Variants in PXN observed in about 807,000 individuals in gnomAD.
PXN encodes paxillin.
PXN carries 61 observed loss-of-function variants against 103.6 expected under a neutral mutation model. The ratio of observed to expected loss-of-function variants is 0.59; its 90% CI spans 0.48 to 0.73. The LOEUF (loss-of-function observed/expected upper bound fraction) is 0.73. PXN is among the 30% of genes least tolerant of loss of function. The probability of loss-of-function intolerance (pLI) is 0.00; values close to 1 mark genes in which losing one functional copy is unlikely to be tolerated. For missense variants in PXN, 1,274 were observed against 1,460.3 expected, an observed-to-expected ratio of 0.87 and a Z score of 2.08; for synonymous variants, 562 against 607.8, an observed-to-expected ratio of 0.92 and a Z score of 1.11.
chr12:120,262,621 T>C (rs1894044418), intron 1 of PXN, among the ~76,000 whole-genome samples: 1 of 152,050 alleles, frequency 6.6e-6, no homozygotes, highest in African/African-American at 2.4e-5. Flanking sequence ...ACAGTGCCTG[T>C]CTCCCATGAA....
intron 3 of PXN, 45 bp from the exon 4 acceptor site, chr12:120,223,044 C>A: frequency 6.2e-7 from 1 of 1,613,444 alleles, no homozygotes; most frequent in Non-Finnish European, 8.5e-7. Flanking sequence ...TGCTTTCTGG[C>A]CTTGTACTGG....
rs1446461947 is a variant in PXN, at chr12:120,222,707, G to A, written c.537C>T (p.Pro179=). ...SSPPLPGALS[P]LYGVPETNSP... ...TGTTAGTCTCTGGGACACCATAGAG[G>A]GGGCTCAGGGCCCCAGGAAGCGGGG... The change falls in exon 5 of 15, where the codon CCC becomes CCT. Residue 179 remains proline, a synonymous_variant. Transcript: ENST00000637617. The surrounding 1 kb of genome is among the most constrained non-coding windows in gnomAD (Gnocchi z 4.7). 6.2e-7 allele frequency: 1 copy of A among 1,609,864 alleles called. No individual in the cohort carries two copies. The highest frequency in any genetic ancestry group is 8.5e-7 in the Non-Finnish European group (1 of 1,178,266).
Position 120,219,474 on chromosome 12 carries a change from C to T in PXN, c.1449G>A (p.Glu483=). 1 of 1,598,300 alleles carries T rather than the reference C, an allele frequency of 6.3e-7. No individual in the cohort carries two copies. The highest frequency in any genetic ancestry group is 1.1e-5 in the South Asian group (1 of 91,070). Residue 483 remains glutamate, a synonymous_variant, in exon 7 of 15, where the codon GAG becomes GAA. Coordinates refer to ENST00000637617, the MANE Select transcript of PXN (RefSeq NM_001385981.1). The surrounding 1 kb of genome is among the most constrained non-coding windows in gnomAD (Gnocchi z 6.5). The part of the protein sequence containing the change: ...AIFPDTWTLT[E]EHGLQQERPR... ...GCCTCTCCTGCTGTAGGCCATGTTC[C>T]TCCGTGAGAGTCCAGGTATCTGGGA...
intron 1 of PXN, among the ~76,000 whole-genome samples, chr12:120,242,754 G>A (rs997266102): frequency 2.0e-5 from 3 of 152,018 alleles, no homozygotes; most frequent in Admixed American, 6.6e-5. Flanking sequence ...GGTGGTACAC[G>A]CCTGTAATCC....
chr12:120,236,943 T>C (rs1275669838), intron 1 of PXN, among the ~76,000 whole-genome samples: 1 of 151,978 alleles, frequency 6.6e-6, no homozygotes, highest in Non-Finnish European at 1.5e-5. Context: ...TCATGAGGGC[T>C]ACAGTGCATG....
chr12:120,224,698 C>T lies in PXN; in HGVS notation c.14-321G>A, dbSNP rs1469264261. On this transcript the variant is annotated intron_variant, in intron 1 of 14. Coordinates refer to ENST00000637617, the MANE Select transcript of PXN (RefSeq NM_001385981.1). This position sits in a 1 kb window ranked among gnomAD's most constrained non-coding sequence, Gnocchi z 5.0. ...CCCTCCTGACAGGGCCGCGCAGCCG[C>T]GAGTGAAGTGCCTGTCTGGAACTCT... The T allele has an allele frequency of 1.9e-5, 11 of 593,290 alleles. No homozygotes were observed. The highest frequency in any genetic ancestry group is 6.1e-5 in the South Asian group (4 of 65,844). The allele number at this position is 593,290 out of a possible 1,614,324, so 36.8% of individuals were successfully genotyped here. A position where few individuals can be genotyped will look rare whatever the true frequency, so the allele number is the denominator to read the frequency against.
chr12:120,264,258 G>C (rs1894324945), intron 1 of PXN: 1 of 152,262 alleles, frequency 6.6e-6, no homozygotes. Flanking sequence ...TTAACTTAGT[G>C]CCCGGCGCTG....
At position 120,219,469 on chromosome 12, in the gene PXN, T is replaced by C; in HGVS notation, c.1454A>G (p.His485Arg). Residue 485 changes from histidine to arginine, a missense_variant, in exon 7 of 15, where the codon CAT (histidine) becomes CGT (arginine). By Grantham distance (29) the His-to-Arg change is conservative (BLOSUM62 0). This residue lies in a region of PXN where 1,178 missense variants were observed against 1,309.0 expected (regional missense o/e 0.90). Coordinates refer to ENST00000637617, the MANE Select transcript of PXN (RefSeq NM_001385981.1). The surrounding 1 kb of genome is among the most constrained non-coding windows in gnomAD (Gnocchi z 6.5). ...CCTTGGCCTCTCCTGCTGTAGGCCATGTTCCTCCGTGAGAGTCCAGGTATC... is the reference window on the plus strand; with the variant it reads ...CCTTGGCCTCTCCTGCTGTAGGCCACGTTCCTCCGTGAGAGTCCAGGTATC... ...FPDTWTLTEEHGLQQERPRPE... is the reference protein window; with the variant it reads ...FPDTWTLTEERGLQQERPRPE... 6.3e-7 allele frequency: 1 copy of C among 1,598,298 alleles called. No homozygotes were observed. Among genetic ancestry groups the C allele is most frequent in the East Asian group, 2.2e-5 (1 of 44,874 alleles).
Position 120,214,883 on chromosome 12 carries a change from T to G in PXN, c.2690A>C (p.Lys897Thr). Residue 897 changes from lysine (K) to threonine (T), a missense_variant, in exon 12 of 15, where the codon AAG becomes ACG. Physicochemically the swap from Lys to Thr is moderately conservative, Grantham distance 78. Around this residue, in one of 2 missense-constraint regions of PXN, gnomAD observed 1,178 missense variants for 1,309.0 expected, o/e 0.90. Transcript: ENST00000637617. This position sits in a 1 kb window ranked among gnomAD's most constrained non-coding sequence, Gnocchi z 5.0. ...FERDGQPYCE[K>T]DYHNLFSPRC... ...CGGGGAGAAGAGGTTGTGGTAGTCC[T>G]TTTCACAGTAGGGCTGTCCATCCCG... 1 of 1,613,956 alleles carries G rather than the reference T, an allele frequency of 6.2e-7. No homozygotes were observed. Among genetic ancestry groups the G allele is most frequent in the Non-Finnish European group, 8.5e-7 (1 of 1,179,860 alleles).
chr12:120,249,801 C>T, intron 1 of PXN: 3 of 951,208 alleles, frequency 3.2e-6, no homozygotes, highest in Non-Finnish European at 3.8e-6. Context: ...TTGGAAAGTT[C>T]AGGACACAGC....
chr12:120,230,321 T>C (rs935836230), intron 1 of PXN, among the ~76,000 whole-genome samples: 1 of 152,206 alleles, frequency 6.6e-6, no homozygotes. Flanking sequence ...GTCCCTGTCC[T>C]AGGGGGTCTG....
In PXN at chr12:120,263,069, G is replaced by A. The variant is rs185296583; in HGVS notation, c.13+2548C>T. The stretch of plus-strand genomic sequence containing the variant: ...TGATGCACCCTCTGGCCTTGCTACC[G>A]GACACACCATAAACTCTCCCCTGTG... On this transcript the variant is annotated intron_variant, in intron 1 of 14. Coordinates refer to ENST00000637617, the MANE Select transcript of PXN (RefSeq NM_001385981.1). Among the ~76,000 whole-genome samples, 276 of 152,192 alleles carry A rather than the reference G, an allele frequency of 1.8e-3. 1 individual carries two copies. The highest frequency in any genetic ancestry group is 6.0e-3 in the African/African-American group (248 of 41,516).
At chr12:120,251,192 G>A (rs1450800050) in intron 1 of PXN, among the ~76,000 whole-genome samples, 5 of 145,134 alleles carry the variant, frequency 3.4e-5, no homozygotes, top group African/African-American at 5.2e-5. Context: ...GCAACGGAAC[G>A]AGACTCTGTC....
rs1880741018 is a variant in PXN at position 120,212,832 on chromosome 12, CG to C, written c.2980-253del. 5.0e-6 allele frequency: 2 copies of C among 396,146 alleles called. No homozygotes were observed. The highest frequency in any genetic ancestry group is 8.7e-5 in the South Asian group (2 of 23,030). The allele number at this position is 396,146 out of a possible 1,614,324, so 24.5% of individuals were successfully genotyped here. A position where few individuals can be genotyped will look rare whatever the true frequency, so the allele number is the denominator to read the frequency against. Reference sequence around the variant, plus strand: ...GTGGCCTCCTGCAATCCTCCCACCTCGGCCTCCCACAGGGCTGGGATTATTT... The same window carrying C: ...GTGGCCTCCTGCAATCCTCCCACCTCGCCTCCCACAGGGCTGGGATTATTT... On this transcript the variant is annotated intron_variant, in intron 14 of 14. Transcript: ENST00000637617. This position sits in a 1 kb window ranked among gnomAD's most constrained non-coding sequence, Gnocchi z 7.2.
rs1471451472 is a variant in PXN, at chr12:120,222,613, C to T, written c.631G>A (p.Glu211Lys). The change falls in exon 5 of 15, where the codon GAG (glutamate) becomes AAG (lysine). Residue 211 changes from glutamate (E) to lysine (K), a missense_variant. Physicochemically the swap from Glu to Lys is moderately conservative, Grantham distance 56. This residue lies in a region of PXN where 1,178 missense variants were observed against 1,309.0 expected (regional missense o/e 0.90). Coordinates refer to ENST00000637617, the MANE Select transcript of PXN (RefSeq NM_001385981.1). The surrounding 1 kb of genome is among the most constrained non-coding windows in gnomAD (Gnocchi z 4.7). The stretch of plus-strand genomic sequence containing the variant: ...CTCTCCACACTGGGCCGCACGTCCT[C>T]CAGGCCCCGGCCCCCATTCCGCTTA... ...KPKRNGGRGL[E>K]DVRPSVESLL... The T allele has an allele frequency of 5.6e-6, 9 of 1,609,656 alleles. No homozygotes were observed. The highest frequency in any genetic ancestry group is 7.6e-6 in the Non-Finnish European group (9 of 1,178,298).
Position 120,221,734 on chromosome 12 carries a change from G to C in PXN, c.720C>G (p.Gly240=). 1 of 1,573,282 alleles carries C rather than the reference G, an allele frequency of 6.4e-7. No individual in the cohort carries two copies. Among genetic ancestry groups the C allele is most frequent in the East Asian group, 2.3e-5 (1 of 42,668 alleles). The change falls in exon 6 of 15, where the codon GGC becomes GGG. Residue 240 remains glycine (G), a synonymous_variant. Transcript: ENST00000637617. This position sits in a 1 kb window ranked among gnomAD's most constrained non-coding sequence, Gnocchi z 6.6. ...TGACGCGCTGCGGGCTGCTCATCTC[G>C]CCCTGGTTCACAGTGATGGCAGGGC... ...SPVPAITVNQ[G]EMSSPQRVTS...
rs1365586328 is a variant in PXN, at chr12:120,216,182, ATG to A, written c.2301+89_2301+90del. On this transcript the variant is annotated intron_variant, in intron 9 of 14. Coordinates refer to ENST00000637617, the MANE Select transcript of PXN (RefSeq NM_001385981.1). The surrounding 1 kb of genome is among the most constrained non-coding windows in gnomAD (Gnocchi z 5.1). ...ATGGAGGGATGGAGGGTATCTGTGT[ATG>A]TGTGTGTGCACGTGTGTGTGTGCAG... The A allele has an allele frequency of 3.1e-6, 4 of 1,274,234 alleles. No individual in the cohort carries two copies. Among genetic ancestry groups the A allele is most frequent in the Non-Finnish European group, 3.9e-6 (4 of 1,013,398 alleles). The allele number at this position is 1,274,234 out of a possible 1,614,324, so 78.9% of individuals were successfully genotyped here. A position where few individuals can be genotyped will look rare whatever the true frequency, so the allele number is the denominator to read the frequency against.
At chr12:120,218,676 C>T (rs763506809) in intron 7 of PXN, among the ~76,000 whole-genome samples, 17 of 152,128 alleles carry the variant, frequency 1.1e-4, no homozygotes, top group Non-Finnish European at 1.5e-4. Context: ...ACACCTGGCC[C>T]GGCATAAAGT....
chr12:120,214,051 G>T lies in PXN; in HGVS notation c.2831-61C>A. ...CGGCTTCCAGAAGTGGAGCCACTCT[G>T]ACTCCAACCTCAGCAGCGTCTCCCA... On this transcript the variant is annotated intron_variant, in intron 13 of 14. Coordinates refer to ENST00000637617, the MANE Select transcript of PXN (RefSeq NM_001385981.1). This position sits in a 1 kb window ranked among gnomAD's most constrained non-coding sequence, Gnocchi z 5.0. 1.9e-6 allele frequency: 3 copies of T among 1,590,184 alleles called. No individual in the cohort carries two copies. The highest frequency in any genetic ancestry group is 3.5e-5 in the Admixed American group (2 of 56,514).
Sources: gnomAD v4.1 joint callset for allele counts (sites outside exome capture counted in the v4.1 genomes callset) on GRCh38, gnomAD v4.1.1 for gene constraint, gnomAD v4.1.1 regional missense constraint, Gnocchi (gnomAD v3.1) non-coding constraint, MANE v1.5 for transcripts, NCBI Gene and HGNC (gene_info 2026-07-23, HGNC 2026-07-21) for gene names.